Variants in ATOSB observed in about 807,000 individuals in gnomAD.
ATOSB encodes the protein atos homolog B, also known as atos homolog protein B.
the ATOSB span, chr9:35,104,635 G>A: frequency 1.5e-4 from 65 of 432,104 alleles, no homozygotes; most frequent in African/African-American, 1.3e-3. Flanking sequence ...GAGGGTAGGG[G>A]AAGTGAAGGG....
chr9:35,106,059 G>A, the ATOSB span: 1 of 1,576,990 alleles, frequency 6.3e-7, no homozygotes, highest in Non-Finnish European at 8.6e-7. This position sits in a 1 kb window ranked among gnomAD's most constrained non-coding sequence, Gnocchi z 4.6. Context: ...GAAAACCCTG[G>A]GCCCTAAACA....
chr9:35,108,111 G>A, the ATOSB span: 30 of 1,558,902 alleles, frequency 1.9e-5, no homozygotes, highest in Non-Finnish European at 2.5e-5. Flanking sequence ...ACCAGCCGGA[G>A]GGGAAAAGAT....
At chr9:35,106,936 G>A in the ATOSB span, 3 of 1,518,240 alleles carry the variant, frequency 2.0e-6, no homozygotes, top group East Asian at 7.3e-5. This position sits in a 1 kb window ranked among gnomAD's most constrained non-coding sequence, Gnocchi z 4.6. Context: ...TGAAGGCCAT[G>A]TATGTTTTGG....
chr9:35,108,002 T>C, the ATOSB span: 1 of 1,576,168 alleles, frequency 6.3e-7, no homozygotes, highest in Non-Finnish European at 8.6e-7. Flanking sequence ...CTTCAGGGGG[T>C]AGTCCCTCTC....
the ATOSB span, among the ~76,000 whole-genome samples, chr9:35,113,453 G>T: frequency 6.6e-6 from 1 of 151,968 alleles, no homozygotes; most frequent in Non-Finnish European, 1.5e-5. Flanking sequence ...GTGAAACCCC[G>T]TCTCTACTAA....
chr9:35,108,006 C>G, the ATOSB span: 1 of 1,563,512 alleles, frequency 6.4e-7, no homozygotes, highest in Non-Finnish European at 8.6e-7. Context: ...AGGGGGTAGT[C>G]CCTCTCTGGC....
chr9:35,113,225 A>AG, the ATOSB span, among the ~76,000 whole-genome samples: 2 of 152,202 alleles, frequency 1.3e-5, no homozygotes, highest in Admixed American at 6.5e-5. Flanking sequence ...CCACTACCAT[A>AG]GGCCAGGCCT....
At chr9:35,106,517 A>G in the ATOSB span, 1 of 1,587,604 alleles carries the variant, frequency 6.3e-7, no homozygotes, top group East Asian at 2.3e-5. The surrounding 1 kb of genome is among the most constrained non-coding windows in gnomAD (Gnocchi z 4.6). Context: ...CCCGGCAATC[A>G]CAAACCCCAA....
At chr9:35,106,238 G>C in the ATOSB span, 11 of 1,613,010 alleles carry the variant, frequency 6.8e-6, no homozygotes, top group African/African-American at 5.3e-5. This position sits in a 1 kb window ranked among gnomAD's most constrained non-coding sequence, Gnocchi z 4.6. Context: ...TTTGGGGTTG[G>C]AGTCAAGGCA....
the ATOSB span, chr9:35,111,214 GC>G: frequency 6.5e-6 from 1 of 153,020 alleles, no homozygotes; most frequent in Non-Finnish European, 1.5e-5. Context: ...CCTGGGACAG[GC>G]CCCATACTAT....
At chr9:35,105,369 C>T in the ATOSB span, 96 of 1,610,100 alleles carry the variant, frequency 6.0e-5, no homozygotes, top group Non-Finnish European at 7.6e-5. The surrounding 1 kb of genome is among the most constrained non-coding windows in gnomAD (Gnocchi z 5.5). Flanking sequence ...GCGGGAGCTC[C>T]GGAACCTGGA....
chr9:35,106,554 A>G, the ATOSB span: 1 of 1,576,852 alleles, frequency 6.3e-7, no homozygotes, highest in Non-Finnish European at 8.6e-7. The surrounding 1 kb of genome is among the most constrained non-coding windows in gnomAD (Gnocchi z 4.6). Flanking sequence ...GTTGCCCAGC[A>G]GGGTACGGCT....
the ATOSB span, chr9:35,115,606 C>T: frequency 7.8e-6 from 1 of 127,768 alleles, no homozygotes; most frequent in African/African-American, 2.9e-5. Context: ...TCACAATGTA[C>T]CTCGCAACCC....
At chr9:35,107,727 AGCTGGCCTGGAGGG>A in the ATOSB span, 1 of 1,595,524 alleles carries the variant, frequency 6.3e-7, no homozygotes, top group Non-Finnish European at 8.5e-7. Flanking sequence ...AAGTGTGTGC[AGCTGGCCTGGAGGG>A]GCTGGCCCTG....
the ATOSB span, chr9:35,108,672 T>A: frequency 9.9e-7 from 1 of 1,011,266 alleles, no homozygotes; most frequent in Admixed American, 5.6e-5. Context: ...TGCAGTCTGA[T>A]CCATGCCTGC....
At chr9:35,109,202 T>C in the ATOSB span, 2 of 152,344 alleles carry the variant, frequency 1.3e-5, no homozygotes, top group African/African-American at 4.8e-5. Flanking sequence ...CACACAGTTA[T>C]ACCCCATCAG....
chr9:35,113,629 AAAATAAATAAATAAAT>A, the ATOSB span, among the ~76,000 whole-genome samples: 206 of 142,538 alleles, frequency 1.4e-3, no homozygotes, highest in East Asian at 0.018. Context: ...CTCCGTCTCA[AAAATAAATAAATAAAT>A]AAATAAATAA....
At chr9:35,113,063 G>A in the ATOSB span, among the ~76,000 whole-genome samples, 1 of 152,140 alleles carries the variant, frequency 6.6e-6, no homozygotes, top group African/African-American at 2.4e-5. Context: ...AAGGAACAGG[G>A]TTAAGGAAAT....
chr9:35,115,106 G>C, the ATOSB span, among the ~76,000 whole-genome samples: 1 of 151,960 alleles, frequency 6.6e-6, no homozygotes, highest in South Asian at 2.1e-4. Flanking sequence ...TAGGATGGGG[G>C]GTTGACAGGA....
Sources: gnomAD v4.1 joint callset for allele counts (sites outside exome capture counted in the v4.1 genomes callset) on GRCh38, gnomAD v4.1.1 for gene constraint, Gnocchi (gnomAD v3.1) non-coding constraint, MANE v1.5 for transcripts, NCBI Gene and HGNC (gene_info 2026-07-23, HGNC 2026-07-21) for gene names.